Variants in RPL28 observed in about 807,000 individuals in gnomAD.
RPL28 encodes the protein ribosomal protein L28.
In RPL28, 4 loss-of-function variants were observed where a neutral mutation model predicts 12.5. That is an observed-to-expected ratio of 0.32 (90% CI 0.16 to 0.73). The LOEUF is 0.73. RPL28 is among the 30% of genes least tolerant of loss of function. RPL28 has a pLI of 0.66. For missense variants in RPL28, 214 were observed against 197.7 expected, an observed-to-expected ratio of 1.08 and a Z score of -0.49; for synonymous variants, 91 against 72.5, an observed-to-expected ratio of 1.26 and a Z score of -1.30.
downstream of RPL28, among the ~76,000 whole-genome samples, chr19:55,396,319 A>G (rs565853142): frequency 6.6e-6 from 1 of 151,916 alleles, no homozygotes; most frequent in African/African-American, 2.4e-5. Flanking sequence ...GCATACACAC[A>G]GAAAAGTGCA....
chr19:55,401,511 C>T (rs779350948), intron 4 of RPL28: 2 of 1,610,252 alleles, frequency 1.2e-6, no homozygotes, highest in East Asian at 2.2e-5. Flanking sequence ...CGCCAGCATG[C>T]TTCTTGGCCA....
Position 55,389,324 on chromosome 19 carries a change from ACACTC to A in RPL28, c.*995_*999del. ...CAGTGAGCCCATGAGCCCCACCACT[ACACTC>A]CAGCCTGGAAGACACCATGACACAC... On this transcript the variant is annotated 3_prime_UTR_variant, in exon 5 of 5. Coordinates refer to ENST00000344063, the MANE Select transcript of RPL28 (RefSeq NM_000991.5). The A allele has an allele frequency of 1.0e-6, 1 of 976,396 alleles. No homozygotes were observed. The highest frequency in any genetic ancestry group is 4.8e-5 in the South Asian group (1 of 20,800). The allele number at this position is 976,396 out of a possible 1,614,324, so 60.5% of individuals were successfully genotyped here. A position where few individuals can be genotyped will look rare whatever the true frequency, so the allele number is the denominator to read the frequency against.
At position 55,390,189 on chromosome 19, in the gene RPL28, G is replaced by A; in HGVS notation, c.*1857G>A. 1.0e-6 allele frequency: 1 copy of A among 985,498 alleles called. No individual in the cohort carries two copies. Among genetic ancestry groups the A allele is most frequent in the African/African-American group, 1.7e-5 (1 of 57,358 alleles). 61.0% of individuals were successfully genotyped at this position (985,498 alleles called of 1,614,324 possible). A position where few individuals can be genotyped will look rare whatever the true frequency, so the allele number is the denominator to read the frequency against. On this transcript the variant is annotated 3_prime_UTR_variant, in exon 5 of 5. Coordinates refer to ENST00000344063, the MANE Select transcript of RPL28 (RefSeq NM_000991.5). ...CATATTGAATGTATAAAGCCCACCG[G>A]TCCTGAGAGTTTGCTCACTGGAGAC...
rs367755659 is a variant in RPL28 at position 55,388,030 on chromosome 19, C to T, written c.306C>T (p.Tyr102=). The change falls in exon 4 of 5, where the codon TAC becomes TAT. Residue 102 remains tyrosine (Y), a synonymous_variant. Coordinates refer to ENST00000344063, the MANE Select transcript of RPL28 (RefSeq NM_000991.5). ...SIRHMIRKNK[Y]RPDLRMAAIR... is the part of the protein sequence containing the mutation. Reference sequence around the variant, plus strand: ...GACACATGATCCGCAAGAACAAGTACCGCCCCGACCTGCGCATGGTGAGCT... The same window carrying T: ...GACACATGATCCGCAAGAACAAGTATCGCCCCGACCTGCGCATGGTGAGCT... 1.9e-6 allele frequency: 3 copies of T among 1,613,848 alleles called. No homozygotes were observed. The highest frequency in any genetic ancestry group is 2.5e-6 in the Non-Finnish European group (3 of 1,179,902).
downstream of RPL28, among the ~76,000 whole-genome samples, chr19:55,392,353 C>A (rs2089996901): frequency 6.6e-6 from 1 of 151,794 alleles, no homozygotes; most frequent in Non-Finnish European, 1.5e-5. Flanking sequence ...CGCCTTAGCC[C>A]CTTGTGTAGC....
intron 4 of RPL28, among the ~76,000 whole-genome samples, chr19:55,398,389 A>G (rs575015783): frequency 1.3e-5 from 2 of 152,306 alleles, no homozygotes; most frequent in African/African-American, 4.8e-5. Flanking sequence ...CTTGACTACA[A>G]AGTTTCAAAA....
Position 55,391,810 on chromosome 19 carries a change from C to T in RPL28, c.*3478C>T. ...GGACTCATGATCACAGATGTCTTCA[C>T]ATGCCTATGACTAATTTGTACACAA... is the stretch of plus-strand genomic sequence containing the variant. On this transcript the variant is annotated 3_prime_UTR_variant, in exon 5 of 5. Coordinates refer to ENST00000344063, the MANE Select transcript of RPL28 (RefSeq NM_000991.5). 1.4e-6 allele frequency: 2 copies of T among 1,429,626 alleles called. No individual in the cohort carries two copies. Among genetic ancestry groups the T allele is most frequent in the Non-Finnish European group, 9.3e-7 (1 of 1,077,502 alleles). The allele number at this position is 1,429,626 out of a possible 1,614,324, so 88.6% of individuals were successfully genotyped here.
In RPL28 at chr19:55,401,162, T is replaced by G. The variant is rs767920428; in HGVS notation, c.325-1781T>G. The G allele has an allele frequency of 4.5e-4, 233 of 515,720 alleles. 3 individuals are homozygous for G. Among genetic ancestry groups the G allele is most frequent in the Non-Finnish European group, 6.7e-4 (197 of 292,864 alleles). The allele number at this position is 515,720 out of a possible 1,614,324, so 31.9% of individuals were successfully genotyped here. On this transcript the variant is annotated intron_variant, in intron 4 of 4. Transcript: ENST00000560055. ...CAAACAGCAAGGCTGGTGAGCTAGA[T>G]GGACCCACTGCTGCAGTCCATGAGG...
chr19:55,388,177 G>A, intron 4 of RPL28, 66 bp from the exon 5 acceptor site: 1 of 1,532,268 alleles, frequency 6.5e-7, no homozygotes, highest in Non-Finnish European at 8.8e-7. Flanking sequence ...CCCACACCCA[G>A]CATTGGCCTA....
chr19:55,391,848 G>T lies in RPL28; in HGVS notation c.*3516G>T. 1 of 1,391,330 alleles carries T rather than the reference G, an allele frequency of 7.2e-7. No homozygotes were observed. The allele number at this position is 1,391,330 out of a possible 1,614,324, so 86.2% of individuals were successfully genotyped here. A position where few individuals can be genotyped will look rare whatever the true frequency, so the allele number is the denominator to read the frequency against. On this transcript the variant is annotated 3_prime_UTR_variant, in exon 5 of 5. Coordinates refer to ENST00000344063, the MANE Select transcript of RPL28 (RefSeq NM_000991.5). Reference sequence around the variant, plus strand: ...AATTTGTACACAAACTAATGCTCGTGTTTCCCAAGCACCTGGAAGACATGC... The same window carrying T: ...AATTTGTACACAAACTAATGCTCGTTTTTCCCAAGCACCTGGAAGACATGC...
At chr19:55,393,589 A>T (rs923711171), downstream of RPL28, among the ~76,000 whole-genome samples, 2 of 138,064 alleles carry the variant, frequency 1.4e-5, no homozygotes, top group Non-Finnish European at 3.1e-5. Flanking sequence ...AGCCACTCCC[A>T]CTCATGTCCC....
chr19:55,393,240 A>T (rs2090002449), downstream of RPL28, among the ~76,000 whole-genome samples: 1 of 61,204 alleles, frequency 1.6e-5, no homozygotes, highest in Non-Finnish European at 2.9e-5. Flanking sequence ...CCCTTGGCCG[A>T]CGCACCCCCC....
At position 55,386,696 on chromosome 19, in the gene RPL28, G is replaced by C. The variant is rs1485304873; in HGVS notation, c.205+3G>C. On this transcript the variant is annotated splice_donor_region_variant and intron_variant, in intron 3 of 4. Coordinates refer to ENST00000344063, the MANE Select transcript of RPL28 (RefSeq NM_000991.5). ...GGTGGTCATTAAGCGGAGATCCGGTGAGTTTTGTCTGGTTTGGGCCAGAGA... is the reference window on the plus strand; with the variant it reads ...GGTGGTCATTAAGCGGAGATCCGGTCAGTTTTGTCTGGTTTGGGCCAGAGA... The C allele has an allele frequency of 1.2e-6, 2 of 1,613,970 alleles. No homozygotes were observed. The highest frequency in any genetic ancestry group is 1.7e-6 in the Non-Finnish European group (2 of 1,179,950).
rs1260035471 is a variant in RPL28, at chr19:55,389,072, C to T, written c.*740C>T. ...CTCCTGGGCCACCCTGTCACCCAAG[C>T]TTTCCTGATTGCCCAGCCCTCTTGT... On this transcript the variant is annotated 3_prime_UTR_variant, in exon 5 of 5. Coordinates refer to ENST00000344063, the MANE Select transcript of RPL28 (RefSeq NM_000991.5). The T allele has an allele frequency of 4.1e-6, 4 of 985,492 alleles. No homozygotes were observed. Among genetic ancestry groups the T allele is most frequent in the East Asian group, 2.3e-4 (2 of 8,834 alleles). The allele number at this position is 985,492 out of a possible 1,614,324, so 61.0% of individuals were successfully genotyped here.
At position 55,385,942 on chromosome 19, in the gene RPL28, C is replaced by G. The variant is rs1470993522; in HGVS notation, c.-32C>G. On this transcript the variant is annotated 5_prime_UTR_variant, in exon 1 of 5. Coordinates refer to ENST00000344063, the MANE Select transcript of RPL28 (RefSeq NM_000991.5). ...TCGCCCCTCGCCTTCCTCTTTCCGT[C>G]TCAGGTCGCCGCTGCGAAGGGAGGT... 3 of 238,308 alleles carry G rather than the reference C, an allele frequency of 1.3e-5. No homozygotes were observed. The highest frequency in any genetic ancestry group is 6.7e-5 in the African/African-American group (3 of 44,830). The allele number at this position is 238,308 out of a possible 1,614,324, so 14.8% of individuals were successfully genotyped here.
In RPL28 at chr19:55,401,602, C is replaced by A. The variant is rs766382400; in HGVS notation, c.325-1341C>A. 20 of 1,606,288 alleles carry A rather than the reference C, an allele frequency of 1.2e-5. No individual in the cohort carries two copies. The highest frequency in any genetic ancestry group is 7.7e-5 in the South Asian group (7 of 90,764). On this transcript the variant is annotated intron_variant, in intron 4 of 4. Transcript: ENST00000560055. ...TTCAGTGCCACTGGCCAGGGCCCGA[C>A]CGGCTTCGGCCCTGCCGCTGGGCCC... is the stretch of plus-strand genomic sequence containing the variant.
At chr19:55,399,689 G>A (rs755061012) in intron 4 of RPL28, 1 of 152,168 alleles carries the variant, frequency 6.6e-6, no homozygotes, top group Non-Finnish European at 1.5e-5. Context: ...TTAGGACAAA[G>A]ACTGCTCCTA....
intron 4 of RPL28, chr19:55,401,678 C>G: frequency 6.2e-7 from 1 of 1,612,780 alleles, no homozygotes; most frequent in South Asian, 1.1e-5. Flanking sequence ...GCCGCATACT[C>G]CTCGTAGTTC....
chr19:55,397,543 C>A (rs1308027858), intron 4 of RPL28, among the ~76,000 whole-genome samples: 1 of 152,020 alleles, frequency 6.6e-6, no homozygotes, highest in Non-Finnish European at 1.5e-5. Flanking sequence ...CCACGCCCGG[C>A]TAATTTTTTT....
Sources: gnomAD v4.1 joint callset for allele counts (sites outside exome capture counted in the v4.1 genomes callset) on GRCh38, gnomAD v4.1.1 for gene constraint, MANE v1.5 for transcripts, NCBI Gene and HGNC (gene_info 2026-07-23, HGNC 2026-07-21) for gene names.